CDH7: variants seen among roughly 807,000 people sequenced by gnomAD.
CDH7 encodes cadherin 7.
In CDH7, 25 loss-of-function variants were observed where a neutral mutation model predicts 71.8. The ratio of observed to expected loss-of-function variants is 0.35; its 90% CI spans 0.25 to 0.49. CDH7 has a LOEUF of 0.49. Ranked by LOEUF, CDH7 falls within the 20% of genes least tolerant of loss-of-function variation. The probability of loss-of-function intolerance (pLI) is 0.99; values close to 1 mark genes in which losing one functional copy is unlikely to be tolerated. For synonymous variants in CDH7, 381 were observed against 363.8 expected, an observed-to-expected ratio of 1.05 and a Z score of -0.54; for missense variants, 862 against 974.6, an observed-to-expected ratio of 0.88 and a Z score of 1.54.
At chr18:65,786,546 A>G (rs1268675374) in intron 2 of CDH7, among the ~76,000 whole-genome samples, 1 of 152,150 alleles carries the variant, frequency 6.6e-6, no homozygotes, top group African/African-American at 2.4e-5. Flanking sequence ...AATTGAATAT[A>G]TTAATATAAT....
Position 65,885,636 on chromosome 18 carries a change from G to A in CDH7, c.*4742G>A, listed in dbSNP as rs1914358020. ...CCGCCTCGGCCTCCCAAAGTGCTGGGATTACAGGCGTGAGCCACCGCGCCC... is the reference window on the plus strand; with the variant it reads ...CCGCCTCGGCCTCCCAAAGTGCTGGAATTACAGGCGTGAGCCACCGCGCCC... On this transcript the variant is annotated 3_prime_UTR_variant, in exon 12 of 12. Transcript: ENST00000397968. 1 of 152,130 alleles carries A rather than the reference G, an allele frequency of 6.6e-6. No individual in the cohort carries two copies. Among genetic ancestry groups the A allele is most frequent in the Non-Finnish European group, 1.5e-5 (1 of 68,160 alleles). The allele number at this position is 152,130 out of a possible 1,614,324, so 9.4% of individuals were successfully genotyped here.
chr18:65,835,901 G>A (rs776359754), intron 6 of CDH7, among the ~76,000 whole-genome samples: 2 of 152,110 alleles, frequency 1.3e-5, no homozygotes, highest in East Asian at 1.9e-4. Flanking sequence ...ATTAAGTTAC[G>A]GAGCTTAATG....
At chr18:65,866,858 G>GA (rs1276914924) in intron 11 of CDH7, among the ~76,000 whole-genome samples, 88 of 149,684 alleles carry the variant, frequency 5.9e-4, no homozygotes, top group East Asian at 1.6e-3. Context: ...TTCTTTAAAT[G>GA]AAAAAAAAAT....
At position 65,781,047 on chromosome 18, in the gene CDH7, G is replaced by A. The variant is rs186828220; in HGVS notation, c.210+17995G>A. Reference sequence around the variant, plus strand: ...CATATGTTCTTCATCAATACTCTTCGGAAGTCAATGCAGCTATAAAACACA... The same window carrying A: ...CATATGTTCTTCATCAATACTCTTCAGAAGTCAATGCAGCTATAAAACACA... On this transcript the variant is annotated intron_variant, in intron 2 of 11. Coordinates refer to ENST00000397968, the MANE Select transcript of CDH7 (RefSeq NM_004361.5). Among the ~76,000 whole-genome samples the A allele has an allele frequency of 6.7e-4, 101 of 150,806 alleles. 1 individual carries two copies. Among genetic ancestry groups the A allele is most frequent in the African/African-American group, 2.2e-3 (91 of 41,046 alleles).
chr18:65,877,043 A>C (rs951230821), intron 11 of CDH7, among the ~76,000 whole-genome samples: 1 of 152,218 alleles, frequency 6.6e-6, no homozygotes, highest in Non-Finnish European at 1.5e-5. Context: ...TCTTCTTAAT[A>C]CAGTGATTAG....
At chr18:65,879,991 G>A (rs1370107487) in intron 11 of CDH7, among the ~76,000 whole-genome samples, 4 of 152,206 alleles carry the variant, frequency 2.6e-5, no homozygotes, top group African/African-American at 9.6e-5. Flanking sequence ...TGAAATTGCA[G>A]TTGTTAAATT....
chr18:65,850,189 A>ATATATAT (rs373950984), intron 7 of CDH7, among the ~76,000 whole-genome samples: 39 of 143,812 alleles, frequency 2.7e-4, no homozygotes, highest in South Asian at 4.4e-4. Flanking sequence ...TATATATATA[A>ATATATAT]AATTAAATAC....
chr18:65,840,457 A>G (rs1207942387), intron 6 of CDH7, among the ~76,000 whole-genome samples: 1 of 151,898 alleles, frequency 6.6e-6, no homozygotes, highest in Non-Finnish European at 1.5e-5. Flanking sequence ...ACTTATATGT[A>G]TGATATGTTT....
At chr18:65,773,056 T>G (rs1452438868) in intron 2 of CDH7, among the ~76,000 whole-genome samples, 2 of 152,172 alleles carry the variant, frequency 1.3e-5, no homozygotes, top group Non-Finnish European at 2.9e-5. Flanking sequence ...GTTTTTCAGT[T>G]TTTTACTTCA....
intron 6 of CDH7, among the ~76,000 whole-genome samples, chr18:65,843,546 T>C (rs1375295105): frequency 6.6e-6 from 1 of 152,172 alleles, no homozygotes; most frequent in African/African-American, 2.4e-5. Flanking sequence ...TTCTTTCAAA[T>C]CGTATTCCAA....
intron 4 of CDH7, among the ~76,000 whole-genome samples, chr18:65,819,534 G>A (rs954234838): frequency 3.3e-5 from 5 of 152,078 alleles, no homozygotes; most frequent in African/African-American, 1.2e-4. Flanking sequence ...GAAGCTGTAA[G>A]GAAACCAGTA....
At chr18:65,763,220 G>A (rs1245482881) in intron 2 of CDH7, among the ~76,000 whole-genome samples, 168 bp downstream of exon 2, 3 of 152,188 alleles carry the variant, frequency 2.0e-5, no homozygotes, top group Non-Finnish European at 2.9e-5. Flanking sequence ...TAGCCACTGC[G>A]AAGTTGCAAT....
At chr18:65,821,328 ATACT>A (rs1419872141) in intron 4 of CDH7, among the ~76,000 whole-genome samples, 5 of 152,088 alleles carry the variant, frequency 3.3e-5, no homozygotes, top group Admixed American at 1.3e-4. Context: ...TATATATTAG[ATACT>A]TACCACCTGG....
chr18:65,860,013 T>A lies in CDH7; in HGVS notation c.1612+188T>A, dbSNP rs2628252. Reference sequence around the variant, plus strand: ...TGAAGGAAAAGCTGCTATTTAAATTTTCTTAGGCCTAAAGCCAAATAGGAG... The same window carrying A: ...TGAAGGAAAAGCTGCTATTTAAATTATCTTAGGCCTAAAGCCAAATAGGAG... On this transcript the variant is annotated intron_variant, in intron 10 of 11. Coordinates refer to ENST00000397968, the MANE Select transcript of CDH7 (RefSeq NM_004361.5). Among the ~76,000 whole-genome samples, 148,159 of 152,286 alleles carry A rather than the reference T, an allele frequency of 0.97. 72,189 individuals are homozygous for A. The highest frequency in any genetic ancestry group is 1 in the East Asian group (5,176 of 5,176).
At chr18:65,778,666 C>T (rs868194477) in intron 2 of CDH7, among the ~76,000 whole-genome samples, 2 of 146,262 alleles carry the variant, frequency 1.4e-5, no homozygotes, top group African/African-American at 2.5e-5. Flanking sequence ...AGTTTATTTT[C>T]TTTTTTTTTG....
At position 65,809,688 on chromosome 18, in the gene CDH7, A is replaced by G. The variant is rs1199795963; in HGVS notation, c.211-16A>G. 1.9e-5 allele frequency: 31 copies of G among 1,604,968 alleles called. No individual in the cohort carries two copies. Among genetic ancestry groups the G allele is most frequent in the Non-Finnish European group, 2.6e-5 (30 of 1,173,136 alleles). On this transcript the variant is annotated splice_polypyrimidine_tract_variant and intron_variant, in intron 2 of 11. Transcript: ENST00000397968. ...CTCTTGTAAGTTAATCTCATCTCAC[A>G]TGAATTTTTCACCAGCTTCACTCTG... is the stretch of plus-strand genomic sequence containing the variant.
intron 11 of CDH7, among the ~76,000 whole-genome samples, chr18:65,869,141 G>T (rs17075338): frequency 2.0e-5 from 3 of 151,938 alleles, no homozygotes; most frequent in Admixed American, 6.6e-5. Flanking sequence ...CAATTAGTCC[G>T]CACATACTGT....
chr18:65,773,216 A>C (rs961467498), intron 2 of CDH7, among the ~76,000 whole-genome samples: 1 of 152,276 alleles, frequency 6.6e-6, no homozygotes, highest in Admixed American at 6.5e-5. Flanking sequence ...AATTCACCAA[A>C]AAGTATAAAT....
intron 9 of CDH7, 140 bp downstream of exon 9, chr18:65,859,186 C>A: frequency 1.4e-6 from 1 of 734,998 alleles, no homozygotes; most frequent in Non-Finnish European, 2.3e-6. Context: ...TGATGTGTAG[C>A]ATGAACTAAT....
Sources: gnomAD v4.1 joint callset for allele counts (sites outside exome capture counted in the v4.1 genomes callset) on GRCh38, gnomAD v4.1.1 for gene constraint, MANE v1.5 for transcripts, NCBI Gene and HGNC (gene_info 2026-07-23, HGNC 2026-07-21) for gene names.